The following HOOK1 variants were observed in gnomAD, a reference collection of about 807,000 sequenced individuals.
The protein encoded by HOOK1 is protein Hook homolog 1.
In HOOK1, 60 loss-of-function variants were observed where a neutral mutation model predicts 112.8. That is an observed-to-expected ratio of 0.53 (90% CI 0.43 to 0.66). The LOEUF is 0.66. Ranked by LOEUF, HOOK1 falls within the 30% of genes least tolerant of loss-of-function variation. The pLI is 0.00. For missense variants in HOOK1, 770 were observed against 856.0 expected (o/e 0.90, Z 1.25); for synonymous variants, 294 against 283.8 (o/e 1.04, Z -0.36).
At chr1:59,828,145 A>T (rs1373235686) in intron 2 of HOOK1, among the ~76,000 whole-genome samples, 1 of 152,212 alleles carries the variant, frequency 6.6e-6, no homozygotes, top group African/African-American at 2.4e-5. Flanking sequence ...TTCACTATAT[A>T]TAGTCAAATG....
At position 59,860,339 on chromosome 1, in the gene HOOK1, C is replaced by T. The variant is rs1176285612; in HGVS notation, c.1532+11C>T. ...GGAAACTGAGCAGAGGTGATATGCT[C>T]CTTAGTAACTGAAAATCTTGGTGAT... On this transcript the variant is annotated intron_variant, in intron 15 of 21. Coordinates refer to ENST00000371208, the MANE Select transcript of HOOK1 (RefSeq NM_015888.6). 3.3e-6 allele frequency: 5 copies of T among 1,536,808 alleles called. No individual in the cohort carries two copies. Among genetic ancestry groups the T allele is most frequent in the Non-Finnish European group, 4.4e-6 (5 of 1,145,512 alleles).
At position 59,858,929 on chromosome 1, in the gene HOOK1, G is replaced by A. The variant is rs147022234; in HGVS notation, c.1331-56G>A. On this transcript the variant is annotated intron_variant, in intron 13 of 21. Transcript: ENST00000371208. ...AGAGGGAGGGGGGGAAGGAGGGAGG[G>A]TTTTTTAAAATAGTTGAAATACTGA... The A allele has an allele frequency of 2.9e-3, 2,811 of 969,104 alleles. 59 individuals carry two copies. In the African/African-American group the frequency reaches 0.043, roughly 15 times the overall value. The allele number at this position is 969,104 out of a possible 1,614,324, so 60.0% of individuals were successfully genotyped here.
rs890158981 is a variant in HOOK1 at position 59,862,930 on chromosome 1, A to G, written c.1626+53A>G. On this transcript the variant is annotated intron_variant, in intron 16 of 21. Coordinates refer to ENST00000371208, the MANE Select transcript of HOOK1 (RefSeq NM_015888.6). ...CTGCTGTGTATGGCTTTTCTTTAAT[A>G]GATCATGATGTCCAAATTAATCTTG... 4 of 993,998 alleles carry G rather than the reference A, an allele frequency of 4.0e-6. No individual in the cohort carries two copies. In the African/African-American group the frequency reaches 6.4e-5, roughly 16 times the overall value. 61.6% of individuals were successfully genotyped at this position (993,998 alleles called of 1,614,324 possible).
chr1:59,854,765 G>A (rs1326888361), intron 12 of HOOK1, among the ~76,000 whole-genome samples: 1 of 152,140 alleles, frequency 6.6e-6, no homozygotes, highest in Non-Finnish European at 1.5e-5. Context: ...ATATCCAGGT[G>A]TGTGGATCCT....
Position 59,853,057 on chromosome 1 carries a change from C to G in HOOK1, c.1242+3874C>G, listed in dbSNP as rs535548725. On this transcript the variant is annotated intron_variant, in intron 12 of 21. Transcript: ENST00000371208. ...ATTATGGCCTAGCATATGGTCTGTT[C>G]TGCAGAGTGTTCCATGTGGATTTTT... 2.2e-4 allele frequency among the ~76,000 whole-genome samples: 33 copies of G among 152,042 alleles called. No homozygotes were observed. In the South Asian group the frequency reaches 6.8e-3, roughly 32 times the overall value.
At chr1:59,846,581 TCCTTCCTCCCTCCTC>T (rs1327977506) in intron 9 of HOOK1, among the ~76,000 whole-genome samples, 14 of 28,240 alleles carry the variant, frequency 5.0e-4, no homozygotes, top group African/African-American at 2.4e-3. Context: ...CTTCCTTCCT[TCCTTCCTCCCTCCTC>T]CCTCCCTCCC....
intron 12 of HOOK1, among the ~76,000 whole-genome samples, chr1:59,854,038 A>T (rs4915733): frequency 0.17 from 1,914 of 11,444 alleles, 292 homozygotes; most frequent in Middle Eastern, 0.5. Flanking sequence ...ATATATATAT[A>T]TTTTTTTTTT....
intron 9 of HOOK1, 62 bp from the exon 10 acceptor site, chr1:59,846,983 A>G (rs2098404412): frequency 1.5e-6 from 2 of 1,366,664 alleles, no homozygotes; most frequent in African/African-American, 3.0e-5. Flanking sequence ...CATGCAAGTT[A>G]CAATTATATA....
intron 1 of HOOK1, 84 bp downstream of exon 1, chr1:59,815,264 G>C (rs1574163760): frequency 7.6e-7 from 1 of 1,308,690 alleles, no homozygotes; most frequent in East Asian, 2.5e-5. Context: ...AGGTGAGCTG[G>C]GGCTACCTGC....
intron 15 of HOOK1, among the ~76,000 whole-genome samples, chr1:59,860,859 C>A (rs190492860): frequency 6.6e-6 from 1 of 151,732 alleles, no homozygotes; most frequent in African/African-American, 2.4e-5. Flanking sequence ...CTGCAACTTC[C>A]GCCTCACGGG....
chr1:59,818,914 A>T (rs2098383506), intron 1 of HOOK1, among the ~76,000 whole-genome samples: 1 of 152,062 alleles, frequency 6.6e-6, no homozygotes, highest in Non-Finnish European at 1.5e-5. Context: ...TTTCTGTGAC[A>T]TTTATATTAA....
In HOOK1 at chr1:59,815,193, A is replaced by G; in HGVS notation, c.63+13A>G. ...CCTCATGATCTGGGTGAGTGCGAGG[A>G]GGCGAGAGGGCGAGGGGGCCAGGGG... On this transcript the variant is annotated intron_variant, in intron 1 of 21. Coordinates refer to ENST00000371208, the MANE Select transcript of HOOK1 (RefSeq NM_015888.6). The G allele has an allele frequency of 1.9e-6, 3 of 1,542,320 alleles. No homozygotes were observed. The highest frequency in any genetic ancestry group is 2.6e-6 in the Non-Finnish European group (3 of 1,146,154).
At chr1:59,871,136 G>A (rs1398783605) in intron 21 of HOOK1, 26 bp downstream of exon 21, 1 of 1,532,444 alleles carries the variant, frequency 6.5e-7, no homozygotes, top group South Asian at 1.1e-5. Flanking sequence ...GCAAATGATT[G>A]GATGAGAACG....
At chr1:59,854,960 C>T (rs904612278) in intron 12 of HOOK1, among the ~76,000 whole-genome samples, 1 of 152,084 alleles carries the variant, frequency 6.6e-6, no homozygotes, top group Non-Finnish European at 1.5e-5. Flanking sequence ...CGACAACAAG[C>T]AGTCAACAGA....
Position 59,818,722 on chromosome 1 carries a change from T to C in HOOK1, c.64-3136T>C, listed in dbSNP as rs2098383397. ...AGGCAGATGAAGGAAAGAGTAATAA[T>C]TAATATATGCCTAAATTTAGAAAAT... On this transcript the variant is annotated intron_variant, in intron 1 of 21. Transcript: ENST00000371208. Among the ~76,000 whole-genome samples the C allele has an allele frequency of 3.3e-5, 5 of 152,326 alleles. No homozygotes were observed. The South Asian group carries it at 1.0e-3, about 32-fold the overall frequency.
At position 59,872,309 on chromosome 1, in the gene HOOK1, A is replaced by C. The variant is rs566156039; in HGVS notation, c.2017-486A>C. On this transcript the variant is annotated intron_variant, in intron 21 of 21. Coordinates refer to ENST00000371208, the MANE Select transcript of HOOK1 (RefSeq NM_015888.6). Reference sequence around the variant, plus strand: ...TTCTTAAACATTAACTTGCCTCAGAAGACTTGTTAAAACACAAATTGCTAG... The same window carrying C: ...TTCTTAAACATTAACTTGCCTCAGACGACTTGTTAAAACACAAATTGCTAG... Among the ~76,000 whole-genome samples the C allele has an allele frequency of 3.3e-5, 5 of 152,364 alleles. No individual in the cohort carries two copies. The East Asian group carries it at 9.6e-4, about 29-fold the overall frequency.
rs1435704178 is a variant in HOOK1, at chr1:59,864,570, GT to G, written c.1627-61del. Reference sequence around the variant, plus strand: ...CAAAAGGAGGTAAAGAGATTTCGATGTCTGGAAAATTGACCTTTGTCAAGAT... The same window carrying G: ...CAAAAGGAGGTAAAGAGATTTCGATGCTGGAAAATTGACCTTTGTCAAGAT... On this transcript the variant is annotated intron_variant, in intron 16 of 21. Coordinates refer to ENST00000371208, the MANE Select transcript of HOOK1 (RefSeq NM_015888.6). 11 of 1,019,108 alleles carry G rather than the reference GT, an allele frequency of 1.1e-5. No homozygotes were observed. The South Asian group carries it at 1.5e-4, about 14-fold the overall frequency. The allele number at this position is 1,019,108 out of a possible 1,614,324, so 63.1% of individuals were successfully genotyped here. A position where few individuals can be genotyped will look rare whatever the true frequency, so the allele number is the denominator to read the frequency against.
chr1:59,839,179 G>A (rs989282370), intron 7 of HOOK1, among the ~76,000 whole-genome samples: 5 of 152,090 alleles, frequency 3.3e-5, no homozygotes, highest in African/African-American at 7.2e-5. Flanking sequence ...TTGGCTATGC[G>A]GGCTCTTTTT....
At chr1:59,858,061 C>G (rs1317231528) in intron 12 of HOOK1, among the ~76,000 whole-genome samples, 1 of 152,128 alleles carries the variant, frequency 6.6e-6, no homozygotes, top group Non-Finnish European at 1.5e-5. Context: ...GTTATGGATA[C>G]TAAAGCCAAA....
Sources: gnomAD v4.1 joint callset for allele counts (sites outside exome capture counted in the v4.1 genomes callset) on GRCh38, gnomAD v4.1.1 for gene constraint, MANE v1.5 for transcripts, NCBI Gene and HGNC (gene_info 2026-07-23, HGNC 2026-07-21) for gene names.